NOM1: variants seen among roughly 807,000 people sequenced by gnomAD.
The protein encoded by NOM1 is nucleolar MIF4G domain-containing protein 1.
Under a neutral mutation model 73.3 loss-of-function variants are expected in NOM1, and 58 were observed. The observed-to-expected ratio is 0.79, with a 90% CI of 0.64 to 0.99. The LOEUF is 0.99. NOM1 is among the 50% of genes least tolerant of loss of function. The probability of loss-of-function intolerance (pLI) is 0.00; values close to 1 mark genes in which losing one functional copy is unlikely to be tolerated. For synonymous variants in NOM1, 487 were observed against 446.8 expected (o/e 1.09, Z -1.14); for missense variants, 1,226 against 1,131.9 (o/e 1.08, Z -1.19).
At chr7:156,962,477 T>C (rs541783048) in intron 5 of NOM1, among the ~76,000 whole-genome samples, 8 of 152,282 alleles carry the variant, frequency 5.3e-5, no homozygotes, top group South Asian at 2.1e-4. Context: ...GGGAAGCCCA[T>C]GTTGGGCGAG....
chr7:156,956,199 A>AG (rs1804722181), intron 3 of NOM1, among the ~76,000 whole-genome samples: 1 of 151,764 alleles, frequency 6.6e-6, no homozygotes, highest in Non-Finnish European at 1.5e-5. Context: ...TCTCAAAAAA[A>AG]AAAAAAAGAT....
rs141690153 is a variant in NOM1 at position 156,963,036 on chromosome 7, C to T, written c.1772C>T (p.Thr591Met). 4.1e-5 allele frequency: 66 copies of T among 1,613,442 alleles called. 1 individual carries two copies. In the South Asian group the frequency reaches 4.2e-4, roughly 10 times the overall value. The change falls in exon 6 of 11, where the codon ACG becomes ATG. Residue 591 changes from threonine (T) to methionine (M), a missense_variant. Physicochemically the swap from Thr to Met is moderately conservative, Grantham distance 81. Transcript: ENST00000275820. ...LVRNAGSGSETQLRVSWDSVL... is the reference protein window; with the variant it reads ...LVRNAGSGSEMQLRVSWDSVL... ...CGCAACGCCGGCTCAGGTTCTGAGACGCAGCTTCGCGTCTCCTGGGACAGT... is the reference window on the plus strand; with the variant it reads ...CGCAACGCCGGCTCAGGTTCTGAGATGCAGCTTCGCGTCTCCTGGGACAGT...
intron 9 of NOM1, among the ~76,000 whole-genome samples, chr7:156,968,403 T>C (rs1478230097): frequency 6.6e-6 from 1 of 152,104 alleles, no homozygotes; most frequent in Non-Finnish European, 1.5e-5. Context: ...TCTCGCCGCG[T>C]CCTCGGGTCC....
chr7:156,966,361 T>C lies in NOM1; in HGVS notation c.2125T>C (p.Phe709Leu), dbSNP rs1378241316. Residue 709 changes from phenylalanine (F) to leucine (L), a missense_variant, in exon 8 of 11, where the codon TTC becomes CTC. Physicochemically the swap from Phe to Leu is conservative, Grantham distance 22 (BLOSUM62 0). Transcript: ENST00000275820. Reference protein sequence around the residue: ...QEKTYNPFYAFLASKFCEYER... With the variant: ...QEKTYNPFYALLASKFCEYER... ...GAAAACTTACAATCCCTTCTATGCT[T>C]TCCTGGCTAGCAAATTCTGTGAATA... is the stretch of plus-strand genomic sequence containing the variant. 6.2e-7 allele frequency: 1 copy of C among 1,614,238 alleles called. No individual in the cohort carries two copies. Among genetic ancestry groups the C allele is most frequent in the Non-Finnish European group, 8.5e-7 (1 of 1,180,040 alleles).
chr7:156,969,290 G>A lies in NOM1; in HGVS notation c.2408+94G>A, dbSNP rs185810849. The A allele has an allele frequency of 3.2e-3, 2,640 of 823,562 alleles. 65 individuals carry two copies. In the South Asian group the frequency reaches 0.039, roughly 12 times the overall value. 51.0% of individuals were successfully genotyped at this position (823,562 alleles called of 1,614,324 possible). ...TTACAAACACAAGGTTGTACTATAC[G>A]TGTAGCTTAATCTTTTCGGTTTTAT... On this transcript the variant is annotated intron_variant, in intron 10 of 10. Coordinates refer to ENST00000275820, the MANE Select transcript of NOM1 (RefSeq NM_138400.2).
rs990914201 is a variant in NOM1, at chr7:156,963,730, C to G, written c.1912-175C>G. On this transcript the variant is annotated intron_variant, in intron 6 of 10. Coordinates refer to ENST00000275820, the MANE Select transcript of NOM1 (RefSeq NM_138400.2). ...GTGTTTTCTCCCCCAGCGGCTGTGG[C>G]TTCACTATGTGTTCCCCTTGCACAG... The G allele has an allele frequency of 1.3e-5, 8 of 594,268 alleles. No homozygotes were observed. The African/African-American group carries it at 1.5e-4, about 11-fold the overall frequency. 36.8% of individuals were successfully genotyped at this position (594,268 alleles called of 1,614,324 possible).
At chr7:156,963,864 T>C in intron 6 of NOM1, 41 bp from the exon 7 acceptor site, 3 of 1,591,484 alleles carry the variant, frequency 1.9e-6, no homozygotes, top group Non-Finnish European at 1.7e-6. Context: ...GCAGTTTGCA[T>C]GGAGACATGC....
chr7:156,969,124 GT>G lies in NOM1; in HGVS notation c.2342del (p.Leu781TyrfsTer5). On this transcript the variant is annotated frameshift_variant, in exon 10 of 11. Transcript: ENST00000275820. LOFTEE classifies it high-confidence loss of function. ...AGTGAATTGGACAAACCCAGAGTCC[GT>G]TTTTTACGAAAAGTATTAAGTATCC... ...EFSELDKPRVRFLRKVLSILL... is the reference protein window; with the variant it reads ...EFSELDKPRVXFLRKVLSILL... 1 of 1,593,694 alleles carries G rather than the reference GT, an allele frequency of 6.3e-7. No individual in the cohort carries two copies. The highest frequency in any genetic ancestry group is 8.6e-7 in the Non-Finnish European group (1 of 1,161,602).
intron 1 of NOM1, among the ~76,000 whole-genome samples, chr7:156,951,495 G>C (rs1188500464): frequency 6.6e-6 from 1 of 152,162 alleles, no homozygotes; most frequent in Non-Finnish European, 1.5e-5. Context: ...CATGGTTGGA[G>C]GCAGCTGTGT....
At chr7:156,950,854 G>T in intron 1 of NOM1, 130 bp downstream of exon 1, 2 of 776,020 alleles carry the variant, frequency 2.6e-6, no homozygotes, top group South Asian at 3.8e-5. Flanking sequence ...TGAGTAAATC[G>T]AGTACGTTAC....
Position 156,950,589 on chromosome 7 carries a change from C to G in NOM1, c.852C>G (p.Asp284Glu). ...QEAEAQSEDD[D>E]EDTEEEQGEE... ...CAGAAGCGCAGAGCGAGGACGACGA[C>G]GAGGATACAGAAGAGGAACAGGGGG... Residue 284 changes from aspartate (D) to glutamate (E), a missense_variant, in exon 1 of 11, where the codon GAC becomes GAG. Physicochemically the swap from Asp to Glu is conservative, Grantham distance 45. Transcript: ENST00000275820. 6.3e-7 allele frequency: 1 copy of G among 1,590,582 alleles called. No individual in the cohort carries two copies. The highest frequency in any genetic ancestry group is 1.1e-5 in the South Asian group (1 of 89,210).
In NOM1 at chr7:156,967,909, CAA is replaced by C. The variant is rs34244970; in HGVS notation, c.2298+827_2298+828del. 1.8e-4 allele frequency among the ~76,000 whole-genome samples: 27 copies of C among 146,678 alleles called. No homozygotes were observed. The South Asian group carries it at 4.1e-3, about 22-fold the overall frequency. ...GTGGGACCAACAGACTCTGAATAGC[CAA>C]AAAAAAAAACTGGAGCGCCTGGGGG... On this transcript the variant is annotated intron_variant, in intron 9 of 10. Coordinates refer to ENST00000275820, the MANE Select transcript of NOM1 (RefSeq NM_138400.2).
At chr7:156,966,843 G>C in intron 8 of NOM1, 118 bp from the exon 9 acceptor site, 4 of 1,114,820 alleles carry the variant, frequency 3.6e-6, no homozygotes, top group South Asian at 3.3e-5. Context: ...TAAAAGTCTT[G>C]ATGTTTAGAA....
At chr7:156,962,674 C>T (rs112176208) in intron 5 of NOM1, among the ~76,000 whole-genome samples, 17 of 152,272 alleles carry the variant, frequency 1.1e-4, no homozygotes, top group African/African-American at 4.1e-4. Flanking sequence ...GTCTTTCAGC[C>T]CCTGTCATCT....
At position 156,954,115 on chromosome 7, in the gene NOM1, C is replaced by T; in HGVS notation, c.1125C>T (p.Pro375=). ...VKGLLNRLSE[P]NMASISGQLE... ...CAATTCTCTGCAGGTTGAGTGAACC[C>T]AACATGGCTTCCATCAGTGGGCAGC... Residue 375 remains proline (P), a synonymous_variant, in exon 3 of 11, where the codon CCC becomes CCT. Coordinates refer to ENST00000275820, the MANE Select transcript of NOM1 (RefSeq NM_138400.2). The T allele has an allele frequency of 6.2e-7, 1 of 1,610,290 alleles. No homozygotes were observed. The highest frequency in any genetic ancestry group is 8.5e-7 in the Non-Finnish European group (1 of 1,178,786).
In NOM1 at chr7:156,963,791, G is replaced by A. The variant is rs533156573; in HGVS notation, c.1912-114G>A. ...CCCGAGAGTGGACTTGGTGCCATCC[G>A]CCCACGTAGACCTCACAGTTCTATT... On this transcript the variant is annotated intron_variant, in intron 6 of 10. Transcript: ENST00000275820. 3.0e-4 allele frequency: 382 copies of A among 1,266,110 alleles called. 3 individuals are homozygous for A. Among genetic ancestry groups the A allele is most frequent in the Admixed American group, 7.2e-5 (3 of 41,740 alleles). The allele number at this position is 1,266,110 out of a possible 1,614,324, so 78.4% of individuals were successfully genotyped here. A position where few individuals can be genotyped will look rare whatever the true frequency, so the allele number is the denominator to read the frequency against.
intron 3 of NOM1, 123 bp from the exon 4 acceptor site, chr7:156,959,728 G>T (rs932884377): frequency 1.1e-6 from 1 of 945,274 alleles, no homozygotes; most frequent in South Asian, 1.5e-5. Context: ...GCCGAGGGAT[G>T]CCTTGTTGGA....
chr7:156,968,836 C>T (rs1036171909), intron 9 of NOM1: 10 of 396,122 alleles, frequency 2.5e-5, no homozygotes, highest in African/African-American at 6.3e-5. Flanking sequence ...GGGAATTCCA[C>T]TTACACTGCT....
Position 156,949,757 on chromosome 7 carries a change from C to G in NOM1, c.20C>G (p.Ala7Gly). The G allele has an allele frequency of 7.2e-7, 1 of 1,393,940 alleles. No individual in the cohort carries two copies. The highest frequency in any genetic ancestry group is 9.3e-7 in the Non-Finnish European group (1 of 1,079,658). 86.3% of individuals were successfully genotyped at this position (1,393,940 alleles called of 1,614,324 possible). MAASRS[A>G]GEAGPGGSQG... Reference sequence around the variant, plus strand: ...CGAAAGATGGCGGCGTCCAGGAGCGCGGGAGAGGCCGGCCCGGGCGGCTCC... The same window carrying G: ...CGAAAGATGGCGGCGTCCAGGAGCGGGGGAGAGGCCGGCCCGGGCGGCTCC... The change falls in exon 1 of 11, where the codon GCG (alanine) becomes GGG (glycine). Residue 7 changes from alanine (A) to glycine (G), a missense_variant. Physicochemically the swap from Ala to Gly is moderately conservative, Grantham distance 60 (BLOSUM62 0). Coordinates refer to ENST00000275820, the MANE Select transcript of NOM1 (RefSeq NM_138400.2).
Sources: allele counts gnomAD v4.1 joint callset (sites outside exome capture counted in the v4.1 genomes callset), GRCh38; gene constraint gnomAD v4.1.1; transcripts MANE v1.5; gene names NCBI Gene and HGNC (gene_info 2026-07-23, HGNC 2026-07-21).